The following COG5 variants were observed in gnomAD, a reference collection of about 807,000 sequenced individuals.
The protein encoded by COG5 is conserved oligomeric Golgi complex subunit 5.
COG5 carries 86 observed loss-of-function variants against 110.4 expected under a neutral mutation model. That is an observed-to-expected ratio of 0.78 (90% CI 0.65 to 0.93). The LOEUF is 0.93. Ranked by LOEUF, COG5 falls within the 40% of genes least tolerant of loss-of-function variation. The pLI is 0.00. For synonymous variants in COG5, 360 were observed against 334.6 expected (o/e 1.08, Z -0.83); for missense variants, 1,077 against 987.0 (o/e 1.09, Z -1.22).
chr7:107,208,716 G>GC (rs1246941827), intron 21 of COG5: 2 of 985,310 alleles, frequency 2.0e-6, no homozygotes, highest in African/African-American at 3.5e-5. Context: ...TAACAGATAA[G>GC]CAAGGAAAAA....
chr7:107,330,948 G>A (rs1277828718), intron 10 of COG5, among the ~76,000 whole-genome samples: 3 of 151,300 alleles, frequency 2.0e-5, no homozygotes, highest in Non-Finnish European at 4.4e-5. Context: ...TAGGCCTCCT[G>A]AGTAGTTGGG....
chr7:107,229,479 A>C (rs574736811), intron 19 of COG5, among the ~76,000 whole-genome samples: 35 of 152,290 alleles, frequency 2.3e-4, no homozygotes, highest in African/African-American at 8.2e-4. Context: ...TGTTTGTGCT[A>C]TGATGTAAAC....
At chr7:107,400,114 G>C (rs181815560) in intron 7 of COG5, among the ~76,000 whole-genome samples, 1 of 151,956 alleles carries the variant, frequency 6.6e-6, no homozygotes, top group Non-Finnish European at 1.5e-5. Flanking sequence ...TTGTACTTGA[G>C]TGTTAATGCA....
rs1191368490 is a variant in COG5, at chr7:107,283,713, CT to C, written c.1332del (p.Asp445ThrfsTer46). The C allele has an allele frequency of 6.2e-7, 1 of 1,613,936 alleles. No homozygotes were observed. Among genetic ancestry groups the C allele is most frequent in the Non-Finnish European group, 8.5e-7 (1 of 1,179,916 alleles). On this transcript the variant is annotated frameshift_variant, in exon 13 of 22. Transcript: ENST00000297135. LOFTEE classifies it high-confidence loss of function. Reference sequence around the variant, plus strand: ...GCAGCCTCATAGGGTTGTAGTGAGTCTTTCAAAGCCTTTTCTGGACTGTGGA... The same window carrying C: ...GCAGCCTCATAGGGTTGTAGTGAGTCTTCAAAGCCTTTTCTGGACTGTGGA... Reference protein sequence around the residue: ...KPDYDPEKALKDSLQPYEAAY... With the variant: ...KPDYDPEKALXDSLQPYEAAY...
chr7:107,535,666 T>G (rs1012107424), intron 5 of COG5, among the ~76,000 whole-genome samples: 1 of 152,186 alleles, frequency 6.6e-6, no homozygotes, highest in East Asian at 1.9e-4. Context: ...GAAGCACTAA[T>G]AGCCTACTAA....
intron 21 of COG5, chr7:107,208,363 G>A (rs1798921102): frequency 1.0e-6 from 1 of 985,284 alleles, no homozygotes; most frequent in Admixed American, 6.1e-5. Context: ...TTAAAGAGAA[G>A]CAAAAGAAAA....
At chr7:107,284,202 G>A (rs184047169) in intron 12 of COG5, among the ~76,000 whole-genome samples, 16 of 152,190 alleles carry the variant, frequency 1.1e-4, no homozygotes, top group Admixed American at 8.5e-4. Context: ...GGGATTACAC[G>A]TGTGAGCAAC....
intron 1 of COG5, among the ~76,000 whole-genome samples, chr7:107,560,179 G>C (rs547964943): frequency 6.6e-6 from 1 of 152,112 alleles, no homozygotes; most frequent in South Asian, 2.1e-4. Context: ...TAAAATCTAC[G>C]ATGGTGAGAG....
At chr7:107,482,564 G>A (rs1027840666) in intron 6 of COG5, among the ~76,000 whole-genome samples, 1 of 151,714 alleles carries the variant, frequency 6.6e-6, no homozygotes, top group Non-Finnish European at 1.5e-5. Context: ...AAATGAAAAG[G>A]CACAGAAGCA....
rs572499700 is a variant in COG5 at position 107,311,614 on chromosome 7, C to T, written c.1108+12826G>A. On this transcript the variant is annotated intron_variant, in intron 11 of 21. Coordinates refer to ENST00000297135, the MANE Select transcript of COG5 (RefSeq NM_006348.5). Reference sequence around the variant, plus strand: ...TTCACCTTGTTAGCCAGGATGGTCTCGATCTCCTGACCTCATGATCCACCT... The same window carrying T: ...TTCACCTTGTTAGCCAGGATGGTCTTGATCTCCTGACCTCATGATCCACCT... Among the ~76,000 whole-genome samples the T allele has an allele frequency of 9.8e-4, 148 of 150,326 alleles. 1 individual carries two copies. The highest frequency in any genetic ancestry group is 3.3e-3 in the African/African-American group (137 of 41,156).
At chr7:107,367,692 C>G (rs1390667502) in intron 8 of COG5, among the ~76,000 whole-genome samples, 1 of 151,968 alleles carries the variant, frequency 6.6e-6, no homozygotes, top group Non-Finnish European at 1.5e-5. Context: ...GGAGCAGAAA[C>G]TTGAATACCA....
chr7:107,563,898 T>G lies in COG5; in HGVS notation c.-2A>C, dbSNP rs569097065. The G allele has an allele frequency of 4.3e-6, 7 of 1,613,728 alleles. No homozygotes were observed. The East Asian group carries it at 1.6e-4, about 36-fold the overall frequency. The stretch of plus-strand genomic sequence containing the variant: ...GACGCTGCCGCCGCCACCTTCCATG[T>G]TGGCAGGTGCCGGGTTGATGTCGTC... On this transcript the variant is annotated 5_prime_UTR_variant, in exon 1 of 22. Transcript: ENST00000297135.
chr7:107,264,914 A>G (rs1240112206), intron 14 of COG5, among the ~76,000 whole-genome samples: 1 of 152,158 alleles, frequency 6.6e-6, no homozygotes, highest in Non-Finnish European at 1.5e-5. Flanking sequence ...AAGAAAGCAG[A>G]TATGTCTATG....
At chr7:107,424,695 G>A (rs1411290016) in intron 6 of COG5, among the ~76,000 whole-genome samples, 1 of 152,080 alleles carries the variant, frequency 6.6e-6, no homozygotes, top group Non-Finnish European at 1.5e-5. Context: ...GACGGAAACA[G>A]ATATTAATTC....
In COG5 at chr7:107,558,093, G is replaced by C. The variant is rs138518242; in HGVS notation, c.117C>G (p.Asn39Lys). 3.2e-5 allele frequency: 51 copies of C among 1,613,552 alleles called. No individual in the cohort carries two copies. Among genetic ancestry groups the C allele is most frequent in the Non-Finnish European group, 4.0e-5 (47 of 1,179,830 alleles). The change falls in exon 2 of 22, where the codon AAC (asparagine) becomes AAG (lysine). Residue 39 changes from asparagine (N) to lysine (K), a missense_variant. Asn to Lys is a moderately conservative substitution (Grantham distance 94, BLOSUM62 0). Transcript: ENST00000297135. ...TATAAGTCTTTACATCAAAGTCTTCGTTTAAAAAGTCACTATAACACCCTG... is the reference window on the plus strand; with the variant it reads ...TATAAGTCTTTACATCAAAGTCTTCCTTTAAAAAGTCACTATAACACCCTG... ...LQDGCYSDFL[N>K]EDFDVKTYTS...
At chr7:107,473,382 C>T (rs182529081) in intron 6 of COG5, among the ~76,000 whole-genome samples, 2 of 151,940 alleles carry the variant, frequency 1.3e-5, no homozygotes, top group East Asian at 3.9e-4. Flanking sequence ...TTTAAGTTTG[C>T]CAACTGCAAA....
chr7:107,441,584 G>A (rs1794711144), intron 6 of COG5, among the ~76,000 whole-genome samples: 1 of 152,166 alleles, frequency 6.6e-6, no homozygotes, highest in Admixed American at 6.5e-5. Context: ...GACTCCAAGT[G>A]TATGCACCTT....
intron 7 of COG5, among the ~76,000 whole-genome samples, chr7:107,382,992 T>C (rs1815257206): frequency 1.3e-5 from 2 of 152,162 alleles, no homozygotes; most frequent in African/African-American, 2.4e-5. Context: ...AATTTTCTAT[T>C]TCTGAGCTAA....
intron 12 of COG5, among the ~76,000 whole-genome samples, chr7:107,288,921 T>C (rs1472601440): frequency 5.7e-5 from 1 of 17,422 alleles, no homozygotes; most frequent in African/African-American, 3.5e-4. Context: ...TATATATATA[T>C]ATATATATAT....
Sources: gnomAD v4.1 joint callset for allele counts (sites outside exome capture counted in the v4.1 genomes callset) on GRCh38, gnomAD v4.1.1 for gene constraint, MANE v1.5 for transcripts, NCBI Gene and HGNC (gene_info 2026-07-23, HGNC 2026-07-21) for gene names.